Variants in KIR3DL2 observed in about 807,000 individuals in gnomAD.
The protein encoded by KIR3DL2 is killer cell immunoglobulin like receptor, three Ig domains and long cytoplasmic tail 2.
A neutral mutation model predicts 41.6 loss-of-function variants in KIR3DL2; 42 were observed. The ratio of observed to expected loss-of-function variants is 1.01; its 90% CI spans 0.79 to 1.31. KIR3DL2 has a LOEUF of 1.31. Ranked by LOEUF, KIR3DL2 falls within the 50% of genes most tolerant of loss-of-function variation. The pLI, the probability that KIR3DL2 is intolerant of heterozygous loss-of-function variation, is 0.00. For missense variants in KIR3DL2, 728 were observed against 576.8 expected, an observed-to-expected ratio of 1.26 and a Z score of -2.68; for synonymous variants, 230 against 221.3, an observed-to-expected ratio of 1.04 and a Z score of -0.35.
At chr19:54,861,330 G>A (rs1424027628) in intron 6 of KIR3DL2, among the ~76,000 whole-genome samples, 3 of 151,978 alleles carry the variant, frequency 2.0e-5, no homozygotes, top group African/African-American at 4.8e-5. Context: ...GAGGGGTGGT[G>A]CAAATGAAGG....
At chr19:54,858,116 G>T (rs1286571999) in intron 5 of KIR3DL2, among the ~76,000 whole-genome samples, 1 of 151,428 alleles carries the variant, frequency 6.6e-6, no homozygotes, top group Non-Finnish European at 1.5e-5. Flanking sequence ...TCACTTTGTT[G>T]GTTTATCTTT....
At chr19:54,860,351 G>T (rs1255831248) in intron 6 of KIR3DL2, among the ~76,000 whole-genome samples, 2 of 152,058 alleles carry the variant, frequency 1.3e-5, no homozygotes, top group Non-Finnish European at 2.9e-5. Context: ...ATCTGTGCAT[G>T]AAATCTATTT....
intron 4 of KIR3DL2, 95 bp from the exon 5 acceptor site, chr19:54,855,524 G>A: frequency 6.7e-7 from 1 of 1,494,962 alleles, no homozygotes; most frequent in Non-Finnish European, 9.0e-7. Context: ...GAGAGCATTA[G>A]GTCATAGAGC....
chr19:54,851,356 A>G (rs2064217419), intron 2 of KIR3DL2, 101 bp downstream of exon 2: 1 of 1,320,948 alleles, frequency 7.6e-7, no homozygotes, highest in Non-Finnish European at 1.1e-6. Context: ...TAAACTAGGA[A>G]GAGGGGACCC....
intron 4 of KIR3DL2, among the ~76,000 whole-genome samples, chr19:54,855,056 T>A (rs1437488214): frequency 1.3e-5 from 1 of 79,908 alleles, no homozygotes; most frequent in South Asian, 4.6e-4. Context: ...ATGATGATGA[T>A]GATGAAGATA....
chr19:54,859,865 G>A (rs199571825), intron 6 of KIR3DL2, among the ~76,000 whole-genome samples: 484 of 148,134 alleles, frequency 3.3e-3, no homozygotes, highest in African/African-American at 0.011. Flanking sequence ...AGGCTCCCAT[G>A]TTCCTTGGCT....
At chr19:54,864,670 G>A (rs2065387749) in intron 6 of KIR3DL2, among the ~76,000 whole-genome samples, 1 of 152,016 alleles carries the variant, frequency 6.6e-6, no homozygotes, top group Non-Finnish European at 1.5e-5. Context: ...TCTGTTATTG[G>A]TGTATAAGAA....
intron 6 of KIR3DL2, among the ~76,000 whole-genome samples, chr19:54,862,196 G>C (rs1469717895): frequency 6.6e-6 from 1 of 152,096 alleles, no homozygotes; most frequent in East Asian, 1.9e-4. Flanking sequence ...TTTCACATGG[G>C]CTTCATCATT....
chr19:54,866,440 C>G lies in KIR3DL2; in HGVS notation c.1158+18C>G. Reference sequence around the variant, plus strand: ...ATAGGCAGGTAGGTCCTCCTCGGCCCAGCCTCACGGATACAGTCTTATCCC... The same window carrying G: ...ATAGGCAGGTAGGTCCTCCTCGGCCGAGCCTCACGGATACAGTCTTATCCC... On this transcript the variant is annotated intron_variant, in intron 8 of 8. Coordinates refer to ENST00000326321, the MANE Select transcript of KIR3DL2 (RefSeq NM_006737.4). 1.9e-6 allele frequency: 3 copies of G among 1,614,006 alleles called. No homozygotes were observed. Among genetic ancestry groups the G allele is most frequent in the Non-Finnish European group, 2.5e-6 (3 of 1,179,960 alleles).
In KIR3DL2 at chr19:54,854,036, C is replaced by T. The variant is rs752693017; in HGVS notation, c.645C>T (p.Ile215=). 7.6e-5 allele frequency: 123 copies of T among 1,612,560 alleles called. No individual in the cohort carries two copies. Among genetic ancestry groups the T allele is most frequent in the Middle Eastern group, 1.6e-4 (1 of 6,076 alleles). ...CAGCTCCCAGTGACCCCCTGGACAT[C>T]GTGATCACAGGTGAGAGTGTCCAGA... The part of the protein sequence containing the change: ...QLSAPSDPLD[I]VITGLYEKPS... Residue 215 remains isoleucine (I), a synonymous_variant, in exon 4 of 9, where the codon ATC becomes ATT. Transcript: ENST00000326321.
In KIR3DL2 at chr19:54,852,029, G is replaced by A. The variant is rs756507283; in HGVS notation, c.102G>A (p.Arg34=). 10 of 1,611,308 alleles carry A rather than the reference G, an allele frequency of 6.2e-6. No homozygotes were observed. Among genetic ancestry groups the A allele is most frequent in the Non-Finnish European group, 5.9e-6 (7 of 1,178,656 alleles). ...AGGACAAACCCTTCCTGTCTGCCCG[G>A]CCCAGCACTGTGGTGCCTCGAGGAG... ...GGQDKPFLSA[R]PSTVVPRGGH... Residue 34 remains arginine (R), a synonymous_variant, in exon 3 of 9, where the codon CGG becomes CGA. Transcript: ENST00000326321.
In KIR3DL2 at chr19:54,867,058, G is replaced by A; in HGVS notation, c.*327G>A. The A allele has an allele frequency of 2.7e-6, 1 of 374,810 alleles. No homozygotes were observed. The highest frequency in any genetic ancestry group is 7.6e-4 in the Middle Eastern group (1 of 1,324). 23.2% of individuals were successfully genotyped at this position (374,810 alleles called of 1,614,324 possible). On this transcript the variant is annotated 3_prime_UTR_variant, in exon 9 of 9. Transcript: ENST00000326321. ...ATACAAGAGGCTCCCTCTTAACACG[G>A]CACTTACACACTTGCTGTTCCACCT... is the stretch of plus-strand genomic sequence containing the variant.
chr19:54,860,705 A>C (rs1317163275), intron 6 of KIR3DL2, among the ~76,000 whole-genome samples: 1 of 150,600 alleles, frequency 6.6e-6, no homozygotes, highest in Non-Finnish European at 1.5e-5. Context: ...GATAATGCTG[A>C]GTGTATTATT....
chr19:54,850,702 G>A (rs2064125442), intron 1 of KIR3DL2, among the ~76,000 whole-genome samples, 193 bp downstream of exon 1: 6 of 106,952 alleles, frequency 5.6e-5, no homozygotes, highest in African/African-American at 7.3e-5. Flanking sequence ...ATGGGCCTGG[G>A]TGTGGAGATA....
chr19:54,865,804 G>C lies in KIR3DL2; in HGVS notation c.1001-1G>C. 4.3e-6 allele frequency: 7 copies of C among 1,609,822 alleles called. No homozygotes were observed. Among genetic ancestry groups the C allele is most frequent in the Non-Finnish European group, 5.1e-6 (6 of 1,176,222 alleles). ...CTTATTGGATTCCCATCTTCCTCCA[G>C]GTATCTGCAGACACCTGCATGTTCT... On this transcript the variant is annotated splice_acceptor_variant, in intron 6 of 8. Transcript: ENST00000326321. LOFTEE classifies it high-confidence loss of function.
rs1269265986 is a variant in KIR3DL2, at chr19:54,861,470, A to G, written c.1000+2341A>G. 9.2e-5 allele frequency among the ~76,000 whole-genome samples: 14 copies of G among 151,876 alleles called. No individual in the cohort carries two copies. The South Asian group carries it at 2.9e-3, about 32-fold the overall frequency. ...AGACCAGCCTGGCCAACATGGAGAA[A>G]CCCTATCTCTACTAAAAATACAAAA... On this transcript the variant is annotated intron_variant, in intron 6 of 8. Coordinates refer to ENST00000326321, the MANE Select transcript of KIR3DL2 (RefSeq NM_006737.4).
At chr19:54,855,567 G>A in intron 4 of KIR3DL2, 52 bp from the exon 5 acceptor site, 2 of 1,597,158 alleles carry the variant, frequency 1.3e-6, no homozygotes, top group African/African-American at 1.4e-5. Flanking sequence ...GGTATGAGGG[G>A]AGCTGTGACA....
chr19:54,857,114 AGTTTCC>A (rs1273377131), intron 5 of KIR3DL2, among the ~76,000 whole-genome samples: 6 of 149,980 alleles, frequency 4.0e-5, no homozygotes, highest in Non-Finnish European at 7.4e-5. Flanking sequence ...TTTGAGAAAG[AGTTTCC>A]CTCCTTAGTC....
In KIR3DL2 at chr19:54,852,223, G is replaced by A. The variant is rs142612567; in HGVS notation, c.296G>A (p.Arg99His). 205 of 1,611,058 alleles carry A rather than the reference G, an allele frequency of 1.3e-4. 4 individuals are homozygous for A. Among genetic ancestry groups the A allele is most frequent in the African/African-American group, 9.3e-4 (69 of 74,178 alleles). ...GGGACCTACAGATGTCGGGGTTCAC[G>A]CCCACACTCCCTCACTGGGTGGTCG... ...HAGTYRCRGS[R>H]PHSLTGWSAP... is the part of the protein sequence containing the mutation. Residue 99 changes from arginine to histidine, a missense_variant, in exon 3 of 9, where the codon CGC becomes CAC. Transcript: ENST00000326321.
Sources: allele counts gnomAD v4.1 joint callset (sites outside exome capture counted in the v4.1 genomes callset), GRCh38; gene constraint gnomAD v4.1.1; transcripts MANE v1.5; gene names NCBI Gene and HGNC (gene_info 2026-07-23, HGNC 2026-07-21).